The following RNF180 variants were observed in gnomAD, a reference collection of about 807,000 sequenced individuals.
RNF180 encodes ring finger protein 180.
A neutral mutation model predicts 59.2 loss-of-function variants in RNF180; 38 were observed. The observed-to-expected ratio is 0.64, with a 90% CI of 0.50 to 0.84. The LOEUF is 0.84. RNF180 is among the 40% of genes least tolerant of loss of function. The probability of loss-of-function intolerance (pLI) is 0.00; values close to 1 mark genes in which losing one functional copy is unlikely to be tolerated. For synonymous variants in RNF180, 262 were observed against 240.3 expected, an observed-to-expected ratio of 1.09 and a Z score of -0.84; for missense variants, 705 against 700.9, an observed-to-expected ratio of 1.01 and a Z score of -0.07.
chr5:64,190,076 T>G (rs72769836), intron 1 of RNF180, among the ~76,000 whole-genome samples: 6 of 152,126 alleles, frequency 3.9e-5, no homozygotes, highest in African/African-American at 1.4e-4. Context: ...AGTTGAATAT[T>G]TGTATACTTG....
At chr5:64,210,887 G>T (rs971025894) in intron 2 of RNF180, among the ~76,000 whole-genome samples, 1 of 152,138 alleles carries the variant, frequency 6.6e-6, no homozygotes, top group African/African-American at 2.4e-5. Flanking sequence ...TGTCATGATT[G>T]CAAGGTGTCC....
At chr5:64,281,430 TGTGGG>T (rs760584947) in intron 5 of RNF180, among the ~76,000 whole-genome samples, 89 of 152,364 alleles carry the variant, frequency 5.8e-4, no homozygotes, top group Non-Finnish European at 1.0e-3. Context: ...TAATGTTGGC[TGTGGG>T]TTTGTCATAG....
At chr5:64,351,062 GT>G (rs1224994372) in intron 7 of RNF180, among the ~76,000 whole-genome samples, 13 of 152,040 alleles carry the variant, frequency 8.6e-5, no homozygotes, top group African/African-American at 3.1e-4. Flanking sequence ...TCTTCCATTT[GT>G]TTGTGTCCTC....
chr5:64,272,265 A>G (rs1248851373), intron 5 of RNF180, among the ~76,000 whole-genome samples: 2 of 152,080 alleles, frequency 1.3e-5, no homozygotes, highest in Non-Finnish European at 2.9e-5. Context: ...AGGCTTTCCA[A>G]ATTGAAAAAG....
intron 7 of RNF180, among the ~76,000 whole-genome samples, chr5:64,358,619 G>T (rs552521989): frequency 7.6e-4 from 115 of 151,722 alleles, no homozygotes; most frequent in South Asian, 3.9e-3. Context: ...TTATAGGCTA[G>T]ATTTATCAAA....
chr5:64,313,701 C>G (rs1332891868), intron 5 of RNF180, among the ~76,000 whole-genome samples: 1 of 152,092 alleles, frequency 6.6e-6, no homozygotes, highest in African/African-American at 2.4e-5. Flanking sequence ...AATGGTAATT[C>G]AGCTTTGAGT....
At chr5:64,179,085 T>TA (rs1192866514) in intron 1 of RNF180, among the ~76,000 whole-genome samples, 1 of 152,168 alleles carries the variant, frequency 6.6e-6, no homozygotes, top group Non-Finnish European at 1.5e-5. Flanking sequence ...AACTAAGGCT[T>TA]AAATGGAAAT....
chr5:64,316,172 ATAGC>A (rs1214460638), intron 5 of RNF180, among the ~76,000 whole-genome samples: 1 of 152,192 alleles, frequency 6.6e-6, no homozygotes, highest in Non-Finnish European at 1.5e-5. Flanking sequence ...AGCCTCCAGA[ATAGC>A]TGAGATCACA....
intron 5 of RNF180, among the ~76,000 whole-genome samples, chr5:64,259,311 G>A (rs1003714435): frequency 1.3e-5 from 2 of 152,156 alleles, no homozygotes; most frequent in Non-Finnish European, 2.9e-5. Context: ...GTTTTGGGGG[G>A]AACAGTGAAA....
At chr5:64,282,721 G>A (rs772526689) in intron 5 of RNF180, among the ~76,000 whole-genome samples, 3 of 152,036 alleles carry the variant, frequency 2.0e-5, no homozygotes, top group African/African-American at 4.8e-5. Context: ...TGAGATTCTG[G>A]TATGTTATAT....
chr5:64,280,244 T>A (rs1321199281), intron 5 of RNF180, among the ~76,000 whole-genome samples: 1 of 152,194 alleles, frequency 6.6e-6, no homozygotes, highest in Non-Finnish European at 1.5e-5. Context: ...TTTGCAAATA[T>A]TTTCTTCCAT....
At chr5:64,294,704 T>C (rs1742797702) in intron 5 of RNF180, among the ~76,000 whole-genome samples, 1 of 152,218 alleles carries the variant, frequency 6.6e-6, no homozygotes, top group Admixed American at 6.5e-5. Context: ...TGCATTATTT[T>C]ACAAAAGTGG....
intron 5 of RNF180, among the ~76,000 whole-genome samples, chr5:64,248,059 A>C (rs1381573436): frequency 6.6e-6 from 1 of 152,244 alleles, no homozygotes; most frequent in Non-Finnish European, 1.5e-5. Flanking sequence ...AGCCATACGC[A>C]GAAAACTGAA....
chr5:64,350,910 A>G (rs1270221049), intron 7 of RNF180, among the ~76,000 whole-genome samples: 21 of 152,038 alleles, frequency 1.4e-4, no homozygotes, highest in Non-Finnish European at 1.8e-4. Context: ...TTGGTTCTAT[A>G]TGAACTTTAA....
chr5:64,245,991 C>T (rs933304181), intron 5 of RNF180, among the ~76,000 whole-genome samples: 3 of 152,208 alleles, frequency 2.0e-5, no homozygotes, highest in Non-Finnish European at 2.9e-5. Context: ...GGCAACTGAA[C>T]ATCCTGTTCC....
chr5:64,212,080 G>A lies in RNF180; in HGVS notation c.151G>A (p.Val51Ile). ...NQVIKDKDDS[V>I]DAQNICHVWH... is the part of the protein sequence containing the mutation. ...TATTTAACAGGATAAAGATGATTCAGTTGATGCTCAAAATATTTGTCATGT... is the reference window on the plus strand; with the variant it reads ...TATTTAACAGGATAAAGATGATTCAATTGATGCTCAAAATATTTGTCATGT... The change falls in exon 3 of 8, where the codon GTT becomes ATT. Residue 51 changes from valine to isoleucine, a missense_variant. Val to Ile is a conservative substitution (Grantham distance 29). Transcript: ENST00000389100. 1 of 1,590,342 alleles carries A rather than the reference G, an allele frequency of 6.3e-7. No homozygotes were observed. The highest frequency in any genetic ancestry group is 8.6e-7 in the Non-Finnish European group (1 of 1,158,664).
chr5:64,214,106 AAC>A lies in RNF180; in HGVS notation c.784_785del (p.Gln262AlafsTer3). On this transcript the variant is annotated frameshift_variant, in exon 4 of 8. Coordinates refer to ENST00000389100, the MANE Select transcript of RNF180 (RefSeq NM_001113561.2). LOFTEE classifies it high-confidence loss of function. ...CTACTGCCTATTCCAGACTAAATGAAACACAGCCTATTGACCTTTCAGGCTTG... is the reference window on the plus strand; with the variant it reads ...CTACTGCCTATTCCAGACTAAATGAAACAGCCTATTGACCTTTCAGGCTTG... ...KTTAYSRLNE[T>X]QPIDLSGLPL... The A allele has an allele frequency of 6.2e-7, 1 of 1,614,132 alleles. No homozygotes were observed. Among genetic ancestry groups the A allele is most frequent in the Non-Finnish European group, 8.5e-7 (1 of 1,179,998 alleles).
chr5:64,323,026 A>G (rs2112515859), intron 5 of RNF180, among the ~76,000 whole-genome samples: 1 of 152,354 alleles, frequency 6.6e-6, no homozygotes, highest in Admixed American at 6.5e-5. Context: ...AATATGAAAA[A>G]GCATTGTTAA....
intron 7 of RNF180, among the ~76,000 whole-genome samples, chr5:64,334,098 G>C (rs914730764): frequency 6.6e-6 from 1 of 152,156 alleles, no homozygotes; most frequent in Non-Finnish European, 1.5e-5. Context: ...TGTTGAGAAT[G>C]TCCCAAACAA....
Sources: gnomAD v4.1 joint callset for allele counts (sites outside exome capture counted in the v4.1 genomes callset) on GRCh38, gnomAD v4.1.1 for gene constraint, MANE v1.5 for transcripts, NCBI Gene and HGNC (gene_info 2026-07-23, HGNC 2026-07-21) for gene names.